The following DOCK3 variants were observed in gnomAD, a reference collection of about 807,000 sequenced individuals.
DOCK3 encodes the protein dedicator of cytokinesis 3.
Under a neutral mutation model 265.6 loss-of-function variants are expected in DOCK3, and 60 were observed. The ratio of observed to expected loss-of-function variants is 0.23; its 90% confidence interval spans 0.18 to 0.28. DOCK3 has a LOEUF of 0.28. Among genes scored for constraint, DOCK3 ranks in the 10% least tolerant of loss-of-function variants. The probability of loss-of-function intolerance (pLI) is 1.00; values close to 1 mark genes in which losing one functional copy is unlikely to be tolerated. For synonymous variants in DOCK3, 881 were observed against 938.0 expected, an observed-to-expected ratio of 0.94 and a Z score of 1.11; for missense variants, 1,981 against 2,594.3, an observed-to-expected ratio of 0.76 and a Z score of 5.14.
intron 9 of DOCK3, among the ~76,000 whole-genome samples, chr3:51,114,806 C>T (rs1354471642): frequency 6.6e-6 from 1 of 151,886 alleles, no homozygotes; most frequent in Non-Finnish European, 1.5e-5. Context: ...TTCCCCTTGC[C>T]CCCCAACCCC....
chr3:51,214,183 C>T lies in DOCK3; in HGVS notation c.1188C>T (p.Pro396=). Residue 396 remains proline (P), a synonymous_variant, in exon 14 of 53, where the codon CCC becomes CCT. Transcript: ENST00000266037. ...GDMEQIRREN[P]MIFNRGLAIT... is the part of the protein sequence containing the mutation. ...TGGAACAGATTCGGAGAGAAAATCCCATGATATTTAATAGGGGATTGGCAA... is the reference window on the plus strand; with the variant it reads ...TGGAACAGATTCGGAGAGAAAATCCTATGATATTTAATAGGGGATTGGCAA... The T allele has an allele frequency of 6.2e-7, 1 of 1,613,738 alleles. No homozygotes were observed. The highest frequency in any genetic ancestry group is 2.2e-5 in the East Asian group (1 of 44,872).
chr3:51,012,401 T>C (rs549468651), intron 5 of DOCK3, among the ~76,000 whole-genome samples: 1 of 152,258 alleles, frequency 6.6e-6, no homozygotes, highest in East Asian at 1.9e-4. Flanking sequence ...CTCAGACTGC[T>C]GTGCTAGCAA....
intron 5 of DOCK3, among the ~76,000 whole-genome samples, chr3:50,970,948 A>G (rs913435817): frequency 0.01 from 535 of 51,540 alleles, 26 homozygotes; most frequent in East Asian, 0.032. Flanking sequence ...TATATATATA[A>G]TGTGTGTGTG....
chr3:50,867,071 G>A (rs943995770), intron 3 of DOCK3, among the ~76,000 whole-genome samples: 2 of 152,124 alleles, frequency 1.3e-5, no homozygotes, highest in Non-Finnish European at 2.9e-5. Context: ...CATGAACATG[G>A]AATGTTTTTT....
chr3:51,009,055 T>C (rs568016746), intron 5 of DOCK3, among the ~76,000 whole-genome samples: 73 of 152,356 alleles, frequency 4.8e-4, no homozygotes, highest in African/African-American at 1.7e-3. Context: ...TCAGTGTTCA[T>C]CAGGGATATT....
intron 4 of DOCK3, among the ~76,000 whole-genome samples, chr3:50,891,856 A>C (rs1231534202): frequency 6.6e-6 from 1 of 152,090 alleles, no homozygotes; most frequent in East Asian, 1.9e-4. Context: ...CATATGTCCC[A>C]TTTATAATAG....
intron 11 of DOCK3, 81 bp from the exon 12 acceptor site, chr3:51,160,474 G>C: frequency 6.8e-7 from 1 of 1,466,742 alleles, no homozygotes; most frequent in Non-Finnish European, 9.0e-7. Context: ...TGTAGCTCAG[G>C]CATCCTTGGA....
At chr3:51,102,244 A>G (rs2083117005) in intron 9 of DOCK3, among the ~76,000 whole-genome samples, 1 of 152,212 alleles carries the variant, frequency 6.6e-6, no homozygotes, top group African/African-American at 2.4e-5. Context: ...CTACTTTTAC[A>G]TTTACAAAGC....
rs575505682 is a variant in DOCK3, at chr3:51,309,598, G to GGGGAGA, written c.2923-614_2923-609dup. 3.5e-4 allele frequency among the ~76,000 whole-genome samples: 53 copies of GGGGAGA among 149,756 alleles called. No homozygotes were observed. In the East Asian group the frequency reaches 5.4e-3, roughly 15 times the overall value. ...GGAAAGAGAGGGAGAGGGAGACCGT[G>GGGGAGA]GGGAGAGGGAGAGGGAGAGGGAGAG... On this transcript the variant is annotated intron_variant, in intron 27 of 52. Coordinates refer to ENST00000266037, the MANE Select transcript of DOCK3 (RefSeq NM_004947.5).
chr3:51,011,693 A>T (rs1165772510), intron 5 of DOCK3, among the ~76,000 whole-genome samples: 2 of 152,194 alleles, frequency 1.3e-5, no homozygotes, highest in African/African-American at 4.8e-5. Context: ...GGAGGGGAAG[A>T]GGCACACTGA....
At chr3:50,973,289 T>G (rs1419605803) in intron 5 of DOCK3, among the ~76,000 whole-genome samples, 1 of 116,414 alleles carries the variant, frequency 8.6e-6, no homozygotes. Context: ...CCCTCCCCCC[T>G]CCCCCCACCC....
At chr3:50,840,887 T>C (rs1034563426) in intron 2 of DOCK3, among the ~76,000 whole-genome samples, 11 of 152,240 alleles carry the variant, frequency 7.2e-5, no homozygotes, top group Admixed American at 6.5e-4. Flanking sequence ...GATTCTTTTT[T>C]TTCATAGCTT....
chr3:51,237,438 T>C (rs1283020780), intron 20 of DOCK3, 52 bp from the exon 21 acceptor site: 1 of 1,476,804 alleles, frequency 6.8e-7, no homozygotes, highest in Non-Finnish European at 9.4e-7. Context: ...CTGCTGGGGA[T>C]AGATCTGAGG....
chr3:51,250,908 T>C (rs139890689), intron 22 of DOCK3, among the ~76,000 whole-genome samples: 1 of 152,346 alleles, frequency 6.6e-6, no homozygotes, highest in East Asian at 1.9e-4. Context: ...CTAGGATACA[T>C]GTGCACAACG....
chr3:51,025,703 G>A (rs935579980), intron 5 of DOCK3, among the ~76,000 whole-genome samples: 23 of 152,122 alleles, frequency 1.5e-4, no homozygotes, highest in African/African-American at 5.6e-4. Context: ...CTCGTTGACC[G>A]ACTTCCCCAA....
At chr3:50,894,668 A>T (rs2048810821) in intron 4 of DOCK3, among the ~76,000 whole-genome samples, 1 of 152,180 alleles carries the variant, frequency 6.6e-6, no homozygotes, top group Admixed American at 6.6e-5. Context: ...TTGTTAGTAG[A>T]TGCACAATAT....
chr3:50,977,945 A>G (rs1196520017), intron 5 of DOCK3, among the ~76,000 whole-genome samples: 3 of 151,978 alleles, frequency 2.0e-5, no homozygotes, highest in Non-Finnish European at 2.9e-5. Flanking sequence ...TCGGCTCCTG[A>G]GGCTTCTGCA....
rs764698017 is a variant in DOCK3 at position 51,214,112 on chromosome 3, G to GT, written c.1127-5dup. ...ACTGTGGTTCTAAGAAAATGCTTTTGTTTTTGCAGGTCTTATCATTTCTCT... is the reference window on the plus strand; with the variant it reads ...ACTGTGGTTCTAAGAAAATGCTTTTGTTTTTTGCAGGTCTTATCATTTCTCT... On this transcript the variant is annotated splice_polypyrimidine_tract_variant and intron_variant, in intron 13 of 52. Transcript: ENST00000266037. 83 of 1,613,624 alleles carry GT rather than the reference G, an allele frequency of 5.1e-5. No homozygotes were observed. In the Middle Eastern group the frequency reaches 6.6e-4, roughly 13 times the overall value.
At chr3:50,727,192 A>G (rs943384551) in intron 1 of DOCK3, among the ~76,000 whole-genome samples, 2 of 152,230 alleles carry the variant, frequency 1.3e-5, no homozygotes, top group African/African-American at 4.8e-5. Context: ...GACCAACACA[A>G]ACTGGTTAAA....
Sources: allele counts gnomAD v4.1 joint callset (sites outside exome capture counted in the v4.1 genomes callset), GRCh38; gene constraint gnomAD v4.1.1; transcripts MANE v1.5; gene names NCBI Gene and HGNC (gene_info 2026-07-23, HGNC 2026-07-21).